Variants in SYNE1 observed in about 807,000 individuals in gnomAD.
SYNE1 encodes nesprin-1.
A neutral mutation model predicts 1,111.0 loss-of-function variants in SYNE1; 616 were observed. The ratio of observed to expected loss-of-function variants is 0.55; its 90% CI spans 0.52 to 0.59. The LOEUF (loss-of-function observed/expected upper bound fraction) is 0.59, where lower values mean the gene tolerates loss of function less well. SYNE1 is among the 20% of genes least tolerant of loss of function. The pLI is 0.00. For missense variants in SYNE1, 10,006 were observed against 10,417.0 expected (o/e 0.96, Z 1.72); for synonymous variants, 3,855 against 3,825.8 (o/e 1.01, Z -0.28).
intron 127 of SYNE1, among the ~76,000 whole-genome samples, chr6:152,198,811 C>A (rs1343698803): frequency 6.6e-6 from 1 of 151,984 alleles, no homozygotes; most frequent in Non-Finnish European, 1.5e-5. Context: ...ACAATAGCAC[C>A]ATCAAAGGTC....
intron 14 of SYNE1, among the ~76,000 whole-genome samples, chr6:152,482,212 G>C (rs1290448290): frequency 2.0e-5 from 3 of 152,056 alleles, no homozygotes; most frequent in Non-Finnish European, 4.4e-5. Flanking sequence ...TGTATATCTA[G>C]CTCCAAAAGT....
At chr6:152,516,287 C>A (rs2099111443) in intron 6 of SYNE1, among the ~76,000 whole-genome samples, 1 of 152,146 alleles carries the variant, frequency 6.6e-6, no homozygotes, top group South Asian at 2.1e-4. Context: ...AAGAGAAATT[C>A]TTTCATTTTG....
At chr6:152,376,235 C>T (rs2097279332) in intron 58 of SYNE1, 146 bp downstream of exon 58, 1 of 762,356 alleles carries the variant, frequency 1.3e-6, no homozygotes, top group Non-Finnish European at 2.2e-6. Context: ...CATTGGCCTG[C>T]TGCTCACCTC....
At chr6:152,145,879 G>T (rs139169112) in intron 137 of SYNE1, 5 of 355,652 alleles carry the variant, frequency 1.4e-5, no homozygotes, top group Non-Finnish European at 2.8e-5. Context: ...ACAAAAATTA[G>T]CCAGGTGTGG....
chr6:152,612,758 G>C (rs955144721), intron 3 of SYNE1, among the ~76,000 whole-genome samples: 2 of 152,122 alleles, frequency 1.3e-5, no homozygotes, highest in African/African-American at 4.8e-5. Flanking sequence ...GTAAAATACT[G>C]GCAAACCGAA....
chr6:152,143,636 C>G lies in SYNE1; in HGVS notation c.25106G>C (p.Ser8369Thr), dbSNP rs2058919683. Reference protein sequence around the residue: ...KTPTGPELDTSYKGYMKLLGE... With the variant: ...KTPTGPELDTTYKGYMKLLGE... Reference sequence around the variant, plus strand: ...CAGGATACTTACGTAGCCTTTGTAGCTGGTGTCTAGCTCCGGCCCCGTGGG... The same window carrying G: ...CAGGATACTTACGTAGCCTTTGTAGGTGGTGTCTAGCTCCGGCCCCGTGGG... The change falls in exon 138 of 146, where the codon AGC becomes ACC. Residue 8369 changes from serine to threonine, a missense_variant. By Grantham distance (58) the Ser-to-Thr change is moderately conservative. Coordinates refer to ENST00000367255, the MANE Select transcript of SYNE1 (RefSeq NM_182961.4). The G allele has an allele frequency of 6.2e-7, 1 of 1,614,180 alleles. No individual in the cohort carries two copies.
At chr6:152,385,621 G>C in intron 55 of SYNE1, 53 bp downstream of exon 55, 2 of 1,591,828 alleles carry the variant, frequency 1.3e-6, no homozygotes, top group Non-Finnish European at 1.7e-6. Context: ...TTTATCAAAA[G>C]TACTCAAGAA....
Position 152,256,624 on chromosome 6 carries a change from A to G in SYNE1, c.19104+10T>C, listed in dbSNP as rs750481603. The G allele has an allele frequency of 4.3e-6, 7 of 1,613,130 alleles. No individual in the cohort carries two copies. In the East Asian group the frequency reaches 1.6e-4, roughly 36 times the overall value. ...AAACCAAGCCAAACACACTGATAACACAGCCTTACCTGGGATGAAACCTCC... is the reference window on the plus strand; with the variant it reads ...AAACCAAGCCAAACACACTGATAACGCAGCCTTACCTGGGATGAAACCTCC... On this transcript the variant is annotated intron_variant, in intron 102 of 145. Transcript: ENST00000367255.
intron 127 of SYNE1, among the ~76,000 whole-genome samples, chr6:152,199,375 TAC>T (rs1333700963): frequency 6.6e-6 from 1 of 152,232 alleles, no homozygotes; most frequent in Non-Finnish European, 1.5e-5. Context: ...CTGTGATCTA[TAC>T]TTATAATGTA....
intron 3 of SYNE1, among the ~76,000 whole-genome samples, chr6:152,553,108 C>A: frequency 6.6e-6 from 1 of 152,124 alleles, no homozygotes; most frequent in East Asian, 1.9e-4. Context: ...TTTGCAATAA[C>A]CGTATGAGAA....
At chr6:152,442,268 T>C (rs905989517) in intron 30 of SYNE1, 23 bp from the exon 31 acceptor site, 1 of 1,611,122 alleles carries the variant, frequency 6.2e-7, no homozygotes, top group South Asian at 1.1e-5. Flanking sequence ...ATTCAACAGA[T>C]GGATATAAAT....
At chr6:152,426,728 T>C (rs967416393) in intron 38 of SYNE1, among the ~76,000 whole-genome samples, 2 of 152,240 alleles carry the variant, frequency 1.3e-5, no homozygotes, top group Non-Finnish European at 2.9e-5. Context: ...AAACAGTCAG[T>C]ACAGGTTTCT....
chr6:152,483,338 A>C (rs945541776), intron 13 of SYNE1, 89 bp from the exon 14 acceptor site: 2 of 1,117,282 alleles, frequency 1.8e-6, no homozygotes, highest in African/African-American at 1.6e-5. Context: ...AGCATACATA[A>C]AGCTTTAAGT....
At chr6:152,125,043 C>G (rs2052876240) in intron 145 of SYNE1, among the ~76,000 whole-genome samples, 1 of 152,208 alleles carries the variant, frequency 6.6e-6, no homozygotes, top group Non-Finnish European at 1.5e-5. Flanking sequence ...CAAGCTCACA[C>G]AGCCAGTGGC....
intron 34 of SYNE1, among the ~76,000 whole-genome samples, chr6:152,431,807 C>A (rs1418477291): frequency 6.6e-6 from 1 of 152,102 alleles, no homozygotes; most frequent in East Asian, 1.9e-4. Flanking sequence ...TTTTATTTTT[C>A]ATATGAATGA....
At position 152,189,584 on chromosome 6, in the gene SYNE1, T is replaced by G. The variant is rs560030259; in HGVS notation, c.23146-177A>C. Among the ~76,000 whole-genome samples, 8 of 152,324 alleles carry G rather than the reference T, an allele frequency of 5.3e-5. No homozygotes were observed. In the South Asian group the frequency reaches 1.7e-3, roughly 32 times the overall value. On this transcript the variant is annotated intron_variant, in intron 127 of 145. Transcript: ENST00000367255. ...CAGATTTGGTTCCAGACCACTGAAA[T>G]AAAGTATATATCACAATAAAGTGAG...
At chr6:152,463,331 T>C (rs1267877883) in intron 19 of SYNE1, 22 bp downstream of exon 19, 2 of 1,613,544 alleles carry the variant, frequency 1.2e-6, no homozygotes, top group Non-Finnish European at 8.5e-7. Flanking sequence ...CGTTGAGGTG[T>C]ATATAGACTT....
rs536839148 is a variant in SYNE1, at chr6:152,206,107, G to T, written c.23019+61C>A. ...TTATTTGATTTGTAGAATAACAATGGGAGGAAGTAGTACAACGACTAAAAG... is the reference window on the plus strand; with the variant it reads ...TTATTTGATTTGTAGAATAACAATGTGAGGAAGTAGTACAACGACTAAAAG... On this transcript the variant is annotated intron_variant, in intron 126 of 145. Coordinates refer to ENST00000367255, the MANE Select transcript of SYNE1 (RefSeq NM_182961.4). 1.9e-5 allele frequency: 28 copies of T among 1,460,200 alleles called. No individual in the cohort carries two copies. In the South Asian group the frequency reaches 3.0e-4, roughly 16 times the overall value. 90.5% of individuals were successfully genotyped at this position (1,460,200 alleles called of 1,614,324 possible).
chr6:152,353,681 C>T lies in SYNE1; in HGVS notation c.10990G>A (p.Glu3664Lys). The T allele has an allele frequency of 6.2e-7, 1 of 1,614,208 alleles. No homozygotes were observed. Among genetic ancestry groups the T allele is most frequent in the Non-Finnish European group, 8.5e-7 (1 of 1,180,028 alleles). ...TTCACGTGGCTCTCGTCCAGTATCT[C>T]CTGAGCTCTAGCTCCCACTTCCTCA... ...EVEEVGARAQEILDESHVNSR... is the reference protein window; with the variant it reads ...EVEEVGARAQKILDESHVNSR... The change falls in exon 68 of 146, where the codon GAG (glutamate) becomes AAG (lysine). Residue 3664 changes from glutamate (E) to lysine (K), a missense_variant. Around this residue, in one of 7 missense-constraint regions of SYNE1, gnomAD observed 4,955 missense variants for 5,017.2 expected, o/e 0.99. Transcript: ENST00000367255.
Sources: gnomAD v4.1 joint callset for allele counts (sites outside exome capture counted in the v4.1 genomes callset) on GRCh38, gnomAD v4.1.1 for gene constraint, gnomAD v4.1.1 regional missense constraint, MANE v1.5 for transcripts, NCBI Gene and HGNC (gene_info 2026-07-23, HGNC 2026-07-21) for gene names.